The following SPATA9 variants were observed in gnomAD, a reference collection of about 807,000 sequenced individuals.
SPATA9 encodes the protein spermatogenesis-associated protein 9.
SPATA9 carries 27 observed loss-of-function variants against 25.5 expected under a neutral mutation model. The ratio of observed to expected loss-of-function variants is 1.06; its 90% CI spans 0.78 to 1.46. The LOEUF is 1.46. SPATA9 is among the 40% of genes most tolerant of loss of function. The pLI, the probability that SPATA9 is intolerant of heterozygous loss-of-function variation, is 0.00. For missense variants in SPATA9, 282 were observed against 297.5 expected (o/e 0.95, Z 0.38); for synonymous variants, 102 against 105.7 (o/e 0.97, Z 0.21).
intron 3 of SPATA9, 35 bp from the exon 4 acceptor site, chr5:95,664,083 A>AGTT: frequency 7.8e-7 from 1 of 1,287,066 alleles, no homozygotes. Flanking sequence ...TAATAAACAA[A>AGTT]CATTTTCAGT....
the SPATA9 span, among the ~76,000 whole-genome samples, chr5:95,718,631 A>G: frequency 2.0e-5 from 3 of 152,236 alleles, no homozygotes; most frequent in Admixed American, 2.0e-4. Flanking sequence ...TTATAGTGCC[A>G]TCAATATGCA....
the SPATA9 span, chr5:95,732,021 C>T: frequency 6.2e-7 from 1 of 1,614,210 alleles, no homozygotes; most frequent in East Asian, 2.2e-5. Flanking sequence ...GTCCGGTGTT[C>T]ACCGAGTATC....
chr5:95,694,696 AC>A (rs1417299321), intron 1 of SPATA9, among the ~76,000 whole-genome samples: 1 of 152,236 alleles, frequency 6.6e-6, no homozygotes, highest in African/African-American at 2.4e-5. Context: ...ATTACTTTGT[AC>A]AAAAATAATT....
the SPATA9 span, among the ~76,000 whole-genome samples, chr5:95,726,677 T>C: frequency 6.6e-6 from 1 of 152,254 alleles, no homozygotes; most frequent in African/African-American, 2.4e-5. Flanking sequence ...TCAGCTTGGC[T>C]GGGGGTTTTT....
At position 95,691,397 on chromosome 5, in the gene SPATA9, C is replaced by A. The variant is rs186414576; in HGVS notation, n.124+7191G>T. 3.4e-3 allele frequency among the ~76,000 whole-genome samples: 523 copies of A among 152,218 alleles called. 5 individuals are homozygous for A. The highest frequency in any genetic ancestry group is 4.3e-3 in the Non-Finnish European group (290 of 68,018). On this transcript the variant is annotated intron_variant and non_coding_transcript_variant, in intron 1 of 2. Coordinates refer to the SPATA9 transcript ENST00000379990. ...TGTCATATATGTTTATATATAAACACATACACACATATATGTTGGGAACTA... is the reference window on the plus strand; with the variant it reads ...TGTCATATATGTTTATATATAAACAAATACACACATATATGTTGGGAACTA...
chr5:95,696,181 C>T (rs1000021254), intron 1 of SPATA9, among the ~76,000 whole-genome samples: 1 of 152,170 alleles, frequency 6.6e-6, no homozygotes, highest in Admixed American at 6.5e-5. Flanking sequence ...AACTAAGCTG[C>T]ACCTGGACTC....
chr5:95,682,906 A>G lies in SPATA9; in HGVS notation c.-52T>C. On this transcript the variant is annotated 5_prime_UTR_variant, in exon 1 of 5. Coordinates refer to ENST00000274432, the MANE Select transcript of SPATA9 (RefSeq NM_031952.4). ...CCTTAACAAGCTTGCAGGCCTGGGT[A>G]ATGCTTGTCCTAGTCTGCCATTAGT... is the stretch of plus-strand genomic sequence containing the variant. 1 of 1,461,374 alleles carries G rather than the reference A, an allele frequency of 6.8e-7. No individual in the cohort carries two copies. The allele number at this position is 1,461,374 out of a possible 1,614,324, so 90.5% of individuals were successfully genotyped here.
At chr5:95,654,715 A>G (rs1314206528), downstream of SPATA9, among the ~76,000 whole-genome samples, 1 of 152,228 alleles carries the variant, frequency 6.6e-6, no homozygotes, top group Non-Finnish European at 1.5e-5. Flanking sequence ...CCATGCAATC[A>G]TTAAATTAAT....
At chr5:95,699,613 T>A (rs1191681325), upstream of SPATA9, among the ~76,000 whole-genome samples, 3 of 152,066 alleles carry the variant, frequency 2.0e-5, no homozygotes, top group Non-Finnish European at 4.4e-5. Context: ...AAAATGGACA[T>A]AAGAGATAAC....
chr5:95,668,418 G>A (rs1356078524), intron 3 of SPATA9, among the ~76,000 whole-genome samples: 1 of 152,068 alleles, frequency 6.6e-6, no homozygotes. Flanking sequence ...TCAACTTTAT[G>A]ATTCACTTAA....
the SPATA9 span, among the ~76,000 whole-genome samples, chr5:95,710,746 G>A: frequency 6.6e-6 from 1 of 152,166 alleles, no homozygotes; most frequent in East Asian, 1.9e-4. Flanking sequence ...ATTTCATTCT[G>A]TACCTCTTGG....
the SPATA9 span, among the ~76,000 whole-genome samples, chr5:95,727,839 A>G: frequency 6.6e-6 from 1 of 152,214 alleles, no homozygotes; most frequent in Non-Finnish European, 1.5e-5. Flanking sequence ...AATTGACCTC[A>G]AAATGTCTGG....
chr5:95,663,987 A>G lies in SPATA9; in HGVS notation c.440T>C (p.Ile147Thr), dbSNP rs1751519680. The change falls in exon 4 of 5, where the codon ATA becomes ACA. Residue 147 changes from isoleucine to threonine, a missense_variant. Coordinates refer to ENST00000274432, the MANE Select transcript of SPATA9 (RefSeq NM_031952.4). ...TAGTGCTGCATATGAAGCATATATT[A>G]TGCTAGTTAAAGCAGTCTTTGCTGG... ...SFPAKTALTSIIYASYAALIY... is the reference protein window; with the variant it reads ...SFPAKTALTSTIYASYAALIY... The G allele has an allele frequency of 1.9e-6, 3 of 1,597,476 alleles. No individual in the cohort carries two copies. The African/African-American group carries it at 4.0e-5, about 21-fold the overall frequency.
At chr5:95,685,867 C>T (rs1481940898), upstream of SPATA9, among the ~76,000 whole-genome samples, 2 of 152,170 alleles carry the variant, frequency 1.3e-5, no homozygotes, top group African/African-American at 4.8e-5. Context: ...GATGGAGTCT[C>T]ACTCTCTCAC....
the SPATA9 span, among the ~76,000 whole-genome samples, chr5:95,725,579 A>C: frequency 6.6e-6 from 1 of 152,228 alleles, no homozygotes; most frequent in Non-Finnish European, 1.5e-5. Context: ...TTATTTATTA[A>C]ATCATCTGCA....
At chr5:95,711,823 T>C in the SPATA9 span, among the ~76,000 whole-genome samples, 1 of 152,246 alleles carries the variant, frequency 6.6e-6, no homozygotes, top group Non-Finnish European at 1.5e-5. Flanking sequence ...CTGACCAAAC[T>C]TAACCATTGA....
At chr5:95,653,345 C>G (rs528299985), downstream of SPATA9, 14 of 1,270,550 alleles carry the variant, frequency 1.1e-5, no homozygotes, top group African/African-American at 6.0e-5. Flanking sequence ...AGGCTGAAGA[C>G]TATTCAGACA....
At chr5:95,683,620 C>A (rs529763370), upstream of SPATA9, among the ~76,000 whole-genome samples, 1 of 152,306 alleles carries the variant, frequency 6.6e-6, no homozygotes, top group East Asian at 1.9e-4. Context: ...TCACTGCAAC[C>A]TCAGCCTCCC....
the SPATA9 span, among the ~76,000 whole-genome samples, chr5:95,722,762 C>T: frequency 5.9e-5 from 9 of 152,172 alleles, no homozygotes; most frequent in South Asian, 2.1e-4. Flanking sequence ...GGATTATAGG[C>T]GTGAGCCACT....
Sources: gnomAD v4.1 joint callset for allele counts (sites outside exome capture counted in the v4.1 genomes callset) on GRCh38, gnomAD v4.1.1 for gene constraint, MANE v1.5 for transcripts, NCBI Gene and HGNC (gene_info 2026-07-23, HGNC 2026-07-21) for gene names.